The following RBMS2 variants were observed in gnomAD, a reference collection of about 807,000 sequenced individuals.
RBMS2 encodes RNA-binding motif, single-stranded-interacting protein 2.
RBMS2 carries 38 observed loss-of-function variants against 58.4 expected under a neutral mutation model. The ratio of observed to expected loss-of-function variants is 0.65; its 90% CI spans 0.50 to 0.85. The LOEUF is 0.85. RBMS2 is among the 40% of genes least tolerant of loss of function. The pLI is 0.00. For missense variants in RBMS2, 367 were observed against 503.7 expected, an observed-to-expected ratio of 0.73 and a Z score of 2.60; for synonymous variants, 151 against 180.7, an observed-to-expected ratio of 0.84 and a Z score of 1.32.
At chr12:56,577,562 C>T (rs1308113039) in intron 5 of RBMS2, among the ~76,000 whole-genome samples, 1 of 151,572 alleles carries the variant, frequency 6.6e-6, no homozygotes. Context: ...ACAGCCTTGA[C>T]CTTCTGGGCT....
At chr12:56,544,757 T>TTTG (rs1474360816) in intron 1 of RBMS2, among the ~76,000 whole-genome samples, 1 of 136,872 alleles carries the variant, frequency 7.3e-6, no homozygotes, top group Admixed American at 7.5e-5. Flanking sequence ...ATTTTTAATT[T>TTTG]TTTTTTTTTT....
At chr12:56,584,161 A>G (rs1182086378) in intron 9 of RBMS2, among the ~76,000 whole-genome samples, 1 of 152,068 alleles carries the variant, frequency 6.6e-6, no homozygotes, top group Non-Finnish European at 1.5e-5. Flanking sequence ...GCCAGGTGTG[A>G]TGGCTCATGC....
At chr12:56,581,679 C>T in intron 7 of RBMS2, 154 bp from the exon 8 acceptor site, 1 of 1,151,296 alleles carries the variant, frequency 8.7e-7, no homozygotes, top group Non-Finnish European at 1.3e-6. Context: ...GGCTTTGCGG[C>T]CTGCACAATT....
chr12:56,535,086 C>CT (rs1874520158), intron 1 of RBMS2, among the ~76,000 whole-genome samples: 4 of 152,278 alleles, frequency 2.6e-5, no homozygotes. Context: ...TATGGCCTCT[C>CT]TTTTTCTGGT....
chr12:56,583,897 T>A (rs1884314746), intron 9 of RBMS2, among the ~76,000 whole-genome samples: 1 of 152,196 alleles, frequency 6.6e-6, no homozygotes, highest in Admixed American at 6.5e-5. Context: ...TTGTTACAAA[T>A]TTTTTTCCAA....
intron 5 of RBMS2, among the ~76,000 whole-genome samples, chr12:56,579,492 G>C (rs550669221): frequency 6.6e-6 from 1 of 152,082 alleles, no homozygotes; most frequent in Non-Finnish European, 1.5e-5. Context: ...AATTAGCCGG[G>C]TGTGGTGGCG....
rs1885309161 is a variant in RBMS2 at position 56,591,580 on chromosome 12, T to C, written c.*2447T>C. 1 of 152,050 alleles carries C rather than the reference T, an allele frequency of 6.6e-6. No individual in the cohort carries two copies. Among genetic ancestry groups the C allele is most frequent in the African/African-American group, 2.4e-5 (1 of 41,396 alleles). 9.4% of individuals were successfully genotyped at this position (152,050 alleles called of 1,614,324 possible). A position where few individuals can be genotyped will look rare whatever the true frequency, so the allele number is the denominator to read the frequency against. On this transcript the variant is annotated 3_prime_UTR_variant, in exon 14 of 14. Transcript: ENST00000262031. ...GCCCTCAGTCAAGGAAAATATACCA[T>C]AGCTGCTTTCTTGTCAGTGGCCTTT...
At chr12:56,539,949 C>A (rs2136295595) in intron 1 of RBMS2, among the ~76,000 whole-genome samples, 1 of 152,336 alleles carries the variant, frequency 6.6e-6, no homozygotes, top group South Asian at 2.1e-4. Flanking sequence ...TGTGCTCCCT[C>A]TTTCTGGAAT....
At chr12:56,526,864 T>G (rs954178540) in intron 1 of RBMS2, among the ~76,000 whole-genome samples, 3 of 152,152 alleles carry the variant, frequency 2.0e-5, no homozygotes, top group Non-Finnish European at 4.4e-5. Context: ...TGGCATGTGT[T>G]ATTATAATTT....
At chr12:56,537,848 CTTTT>C (rs56179535) in intron 1 of RBMS2, among the ~76,000 whole-genome samples, 5 of 132,836 alleles carry the variant, frequency 3.8e-5, no homozygotes, top group Non-Finnish European at 6.5e-5. Context: ...TGTTTTCTGC[CTTTT>C]TTTTTTTTTT....
At chr12:56,530,895 C>T (rs2136250435) in intron 1 of RBMS2, among the ~76,000 whole-genome samples, 1 of 152,248 alleles carries the variant, frequency 6.6e-6, no homozygotes, top group South Asian at 2.1e-4. Flanking sequence ...GTTTATTGAG[C>T]AGCTGCAGCA....
intron 1 of RBMS2, among the ~76,000 whole-genome samples, chr12:56,534,335 T>C (rs1463631583): frequency 6.6e-6 from 1 of 152,232 alleles, no homozygotes; most frequent in African/African-American, 2.4e-5. Flanking sequence ...TTCTTCTGTA[T>C]ATAGTATCCT....
intron 1 of RBMS2, among the ~76,000 whole-genome samples, chr12:56,553,622 C>G (rs951387465): frequency 6.6e-6 from 1 of 152,110 alleles, no homozygotes; most frequent in African/African-American, 2.4e-5. Context: ...GCCACTGCAC[C>G]CAGCCTAATT....
intron 1 of RBMS2, among the ~76,000 whole-genome samples, chr12:56,524,760 C>T (rs989765478): frequency 5.9e-5 from 9 of 152,066 alleles, no homozygotes; most frequent in Middle Eastern, 3.4e-3. Flanking sequence ...CTCTGTCGCG[C>T]CCAGGCTGGA....
chr12:56,551,569 A>G (rs1357303519), intron 1 of RBMS2, among the ~76,000 whole-genome samples: 1 of 152,184 alleles, frequency 6.6e-6, no homozygotes, highest in Non-Finnish European at 1.5e-5. Context: ...TGACATGATC[A>G]CATATACTTG....
intron 1 of RBMS2, among the ~76,000 whole-genome samples, chr12:56,559,572 C>T (rs1879970815): frequency 6.6e-6 from 1 of 150,608 alleles, no homozygotes; most frequent in Non-Finnish European, 1.5e-5. Context: ...TAGGTCACGG[C>T]CGGGCGCGGT....
chr12:56,561,626 C>A (rs759496181), intron 1 of RBMS2, among the ~76,000 whole-genome samples: 2 of 151,770 alleles, frequency 1.3e-5, no homozygotes, highest in East Asian at 3.9e-4. Flanking sequence ...TCTGCCTCAA[C>A]CTCCTGAGTA....
At position 56,561,870 on chromosome 12, in the gene RBMS2, C is replaced by T. The variant is rs182012882; in HGVS notation, c.67-547C>T. On this transcript the variant is annotated intron_variant, in intron 1 of 13. Transcript: ENST00000262031. ...TCGCCCAGGCTGGAGTGCAGTGGCG[C>T]GATCTCAGCTCACTGCAAGCTCTGC... is the stretch of plus-strand genomic sequence containing the variant. 1.6e-3 allele frequency among the ~76,000 whole-genome samples: 230 copies of T among 145,652 alleles called. 1 individual carries two copies. Among genetic ancestry groups the T allele is most frequent in the African/African-American group, 3.3e-3 (129 of 39,182 alleles).
intron 1 of RBMS2, among the ~76,000 whole-genome samples, chr12:56,542,235 T>C (rs1189086144): frequency 1.1e-5 from 1 of 94,648 alleles, no homozygotes; most frequent in Non-Finnish European, 2.6e-5. Context: ...CATTTTTCTT[T>C]CTTTTTTTTT....
Sources: allele counts gnomAD v4.1 joint callset (sites outside exome capture counted in the v4.1 genomes callset), GRCh38; gene constraint gnomAD v4.1.1; transcripts MANE v1.5; gene names NCBI Gene and HGNC (gene_info 2026-07-23, HGNC 2026-07-21).